Variants in PKD1L1 observed in about 807,000 individuals in gnomAD.
PKD1L1 encodes polycystin-1-like protein 1.
A neutral mutation model predicts 323.4 loss-of-function variants in PKD1L1; 236 were observed. The ratio of observed to expected loss-of-function variants is 0.73; its 90% CI spans 0.66 to 0.81. The LOEUF is 0.81. Ranked by LOEUF, PKD1L1 falls within the 40% of genes least tolerant of loss-of-function variation. The probability of loss-of-function intolerance (pLI) is 0.00; values close to 1 mark genes in which losing one functional copy is unlikely to be tolerated. For missense variants in PKD1L1, 3,320 were observed against 3,508.0 expected (o/e 0.95, Z 1.35); for synonymous variants, 1,344 against 1,335.0 (o/e 1.01, Z -0.15).
chr7:47,814,922 T>G (rs1784983027), intron 47 of PKD1L1, among the ~76,000 whole-genome samples: 1 of 152,252 alleles, frequency 6.6e-6, no homozygotes, highest in Non-Finnish European at 1.5e-5. Flanking sequence ...CAACCTCACC[T>G]CTTTCTGGAA....
At chr7:47,847,634 T>G (rs1257002239) in intron 31 of PKD1L1, among the ~76,000 whole-genome samples, 2 of 152,208 alleles carry the variant, frequency 1.3e-5, no homozygotes, top group South Asian at 2.1e-4. Flanking sequence ...TGCCCAAGAC[T>G]TTTTAATAAG....
chr7:47,858,583 T>C (rs1785953479), intron 27 of PKD1L1, 90 bp downstream of exon 27: 1 of 1,212,882 alleles, frequency 8.2e-7, no homozygotes, highest in Non-Finnish European at 1.2e-6. Context: ...CTGATTCTGT[T>C]TTTGGTTTTG....
At chr7:47,941,877 T>C (rs1156598239) in intron 2 of PKD1L1, among the ~76,000 whole-genome samples, 2 of 152,146 alleles carry the variant, frequency 1.3e-5, no homozygotes, top group East Asian at 3.9e-4. Flanking sequence ...AATTGCAAAA[T>C]TGAATAAAGT....
intron 56 of PKD1L1, among the ~76,000 whole-genome samples, chr7:47,776,562 G>C (rs771253753): frequency 2.6e-5 from 4 of 152,176 alleles, no homozygotes; most frequent in Non-Finnish European, 5.9e-5. Context: ...TTGTGAGATG[G>C]CTGAGGAATT....
chr7:47,783,052 G>C (rs1786730936), intron 56 of PKD1L1, among the ~76,000 whole-genome samples: 1 of 152,170 alleles, frequency 6.6e-6, no homozygotes, highest in African/African-American at 2.4e-5. Flanking sequence ...GGAGGCAACA[G>C]GAGCTCCTGA....
At chr7:47,783,402 A>G (rs558822667) in intron 56 of PKD1L1, among the ~76,000 whole-genome samples, 65 of 149,508 alleles carry the variant, frequency 4.3e-4, no homozygotes, top group African/African-American at 1.5e-3. Flanking sequence ...CAGATTAGTG[A>G]AACTAAATTT....
At chr7:47,784,717 CCCAT>C (rs1786770248) in intron 56 of PKD1L1, among the ~76,000 whole-genome samples, 1 of 152,172 alleles carries the variant, frequency 6.6e-6, no homozygotes, top group African/African-American at 2.4e-5. Flanking sequence ...AGGTGATCCG[CCCAT>C]CTCAGCCTCC....
intron 26 of PKD1L1, among the ~76,000 whole-genome samples, chr7:47,859,666 G>T (rs912013090): frequency 7.1e-6 from 1 of 140,002 alleles, no homozygotes; most frequent in African/African-American, 2.7e-5. Flanking sequence ...TGACTCTATC[G>T]CCCAGGCTGG....
intron 4 of PKD1L1, among the ~76,000 whole-genome samples, chr7:47,934,373 A>G (rs941549596): frequency 6.6e-6 from 1 of 152,186 alleles, no homozygotes; most frequent in Non-Finnish European, 1.5e-5. Context: ...GCAGGGGTTC[A>G]CATGCTGTCC....
Position 47,821,320 on chromosome 7 carries a change from G to C in PKD1L1, c.6855-134C>G, listed in dbSNP as rs549150169. Reference sequence around the variant, plus strand: ...GTCTCACTCTGTCACCCAGGCTGGAGTGCAGTGGCACAATCTTGGCTCACT... The same window carrying C: ...GTCTCACTCTGTCACCCAGGCTGGACTGCAGTGGCACAATCTTGGCTCACT... On this transcript the variant is annotated intron_variant, in intron 45 of 56. Transcript: ENST00000289672. 17 of 528,476 alleles carry C rather than the reference G, an allele frequency of 3.2e-5. No individual in the cohort carries two copies. In the South Asian group the frequency reaches 4.8e-4, roughly 15 times the overall value. The allele number at this position is 528,476 out of a possible 1,614,324, so 32.7% of individuals were successfully genotyped here. A position where few individuals can be genotyped will look rare whatever the true frequency, so the allele number is the denominator to read the frequency against.
chr7:47,920,655 T>G (rs1339409862), intron 7 of PKD1L1, among the ~76,000 whole-genome samples: 1 of 152,176 alleles, frequency 6.6e-6, no homozygotes, highest in African/African-American at 2.4e-5. Context: ...TATGAAGCCA[T>G]AGTCACCAAA....
Position 47,866,629 on chromosome 7 carries a change from A to G in PKD1L1, c.3897-15T>C. 6.3e-7 allele frequency: 1 copy of G among 1,584,682 alleles called. No homozygotes were observed. The highest frequency in any genetic ancestry group is 8.6e-7 in the Non-Finnish European group (1 of 1,163,012). ...TGGAATTATACCTGAAGGAAACACA[A>G]GAGTTATCATTACTGTTCCAACACA... On this transcript the variant is annotated splice_polypyrimidine_tract_variant and intron_variant, in intron 24 of 56. Coordinates refer to ENST00000289672, the MANE Select transcript of PKD1L1 (RefSeq NM_138295.5).
chr7:47,940,479 C>T (rs1563000372), intron 2 of PKD1L1, among the ~76,000 whole-genome samples, 162 bp from the exon 3 acceptor site: 2 of 152,224 alleles, frequency 1.3e-5, no homozygotes, highest in African/African-American at 4.8e-5. Context: ...CCGTGTCCTG[C>T]TGTGTGTGTT....
At chr7:47,930,738 C>A (rs1169854772) in intron 6 of PKD1L1, among the ~76,000 whole-genome samples, 1 of 150,672 alleles carries the variant, frequency 6.6e-6, no homozygotes, top group African/African-American at 2.4e-5. Flanking sequence ...TCGCTTGAAC[C>A]CGGGAGGCGG....
At chr7:47,857,053 C>A (rs111227916) in intron 28 of PKD1L1, among the ~76,000 whole-genome samples, 1 of 152,220 alleles carries the variant, frequency 6.6e-6, no homozygotes, top group Non-Finnish European at 1.5e-5. Context: ...ATCCTCACAT[C>A]CCCCTTTCAC....
chr7:47,875,279 A>G lies in PKD1L1; in HGVS notation c.3784+818T>C, dbSNP rs78120394. ...TGTTTCTAACTGAAGGTGACAGGCAAAGTTTCATGAAGAAGAAGGAACTTC... is the reference window on the plus strand; with the variant it reads ...TGTTTCTAACTGAAGGTGACAGGCAGAGTTTCATGAAGAAGAAGGAACTTC... On this transcript the variant is annotated intron_variant, in intron 23 of 56. Transcript: ENST00000289672. Among the ~76,000 whole-genome samples the G allele has an allele frequency of 5.6e-3, 859 of 152,330 alleles. 7 individuals are homozygous for G. The highest frequency in any genetic ancestry group is 0.019 in the African/African-American group (808 of 41,580).
chr7:47,909,684 G>A (rs981910686), intron 8 of PKD1L1, among the ~76,000 whole-genome samples: 8 of 152,162 alleles, frequency 5.3e-5, no homozygotes, highest in African/African-American at 1.7e-4. Context: ...AAGCTCAAAA[G>A]GTTAAACAAT....
At chr7:47,906,897 TA>T (rs58556871) in intron 9 of PKD1L1, among the ~76,000 whole-genome samples, 11,025 of 149,470 alleles carry the variant, frequency 0.074, 1,059 homozygotes, top group African/African-American at 0.23. Context: ...TCAAAAGTGT[TA>T]AAAAAAAAAG....
At chr7:47,859,080 C>A (rs761519378) in intron 26 of PKD1L1, among the ~76,000 whole-genome samples, 195 bp from the exon 27 acceptor site, 4 of 152,180 alleles carry the variant, frequency 2.6e-5, no homozygotes, top group African/African-American at 9.7e-5. Context: ...GACTGAACTA[C>A]GGGCTAAGAG....
Sources: allele counts gnomAD v4.1 joint callset (sites outside exome capture counted in the v4.1 genomes callset), GRCh38; gene constraint gnomAD v4.1.1; transcripts MANE v1.5; gene names NCBI Gene and HGNC (gene_info 2026-07-23, HGNC 2026-07-21).